The following CHD6 variants were observed in gnomAD, a reference collection of about 807,000 sequenced individuals.
The protein encoded by CHD6 is chromodomain helicase DNA binding protein 6.
Under a neutral mutation model 276.9 loss-of-function variants are expected in CHD6, and 50 were observed. That is an observed-to-expected ratio of 0.18 (90% CI 0.14 to 0.23). The LOEUF is 0.23. CHD6 is among the 10% of genes least tolerant of loss of function. The probability of loss-of-function intolerance (pLI) is 1.00; values close to 1 mark genes in which losing one functional copy is unlikely to be tolerated. For synonymous variants in CHD6, 1,173 were observed against 1,229.3 expected (o/e 0.95, Z 0.96); for missense variants, 2,564 against 3,365.8 (o/e 0.76, Z 5.89).
At chr20:41,561,314 TTG>T (rs763673860) in intron 1 of CHD6, among the ~76,000 whole-genome samples, 12 of 152,218 alleles carry the variant, frequency 7.9e-5, no homozygotes, top group Admixed American at 3.9e-4. Context: ...TGCTGAAACT[TTG>T]TGTCATTTTT....
chr20:41,491,661 C>A lies in CHD6; in HGVS notation c.1436+37G>T, dbSNP rs145263678. The stretch of plus-strand genomic sequence containing the variant: ...TCCAGGCTAAGGCAATAATATACCT[C>A]TGGGTACAAACATCTGGGCTGGTTT... On this transcript the variant is annotated intron_variant, in intron 11 of 36. Coordinates refer to ENST00000373233, the MANE Select transcript of CHD6 (RefSeq NM_032221.5). 3.8e-4 allele frequency: 608 copies of A among 1,612,966 alleles called. 3 individuals are homozygous for A. In the African/African-American group the frequency reaches 7.0e-3, roughly 18 times the overall value.
chr20:41,408,587 C>T (rs1444476166), intron 36 of CHD6, among the ~76,000 whole-genome samples: 1 of 152,182 alleles, frequency 6.6e-6, no homozygotes, highest in Non-Finnish European at 1.5e-5. Flanking sequence ...TGGCATGGCA[C>T]CACAGCCCAG....
intron 5 of CHD6, among the ~76,000 whole-genome samples, chr20:41,511,284 A>C (rs1202517109): frequency 6.6e-6 from 1 of 152,240 alleles, no homozygotes; most frequent in African/African-American, 2.4e-5. Flanking sequence ...CTGCCAAGTC[A>C]GCAACAGTGA....
chr20:41,432,953 G>T (rs180986460), intron 27 of CHD6, among the ~76,000 whole-genome samples: 18 of 151,794 alleles, frequency 1.2e-4, no homozygotes, highest in African/African-American at 4.3e-4. Context: ...CAATAAACTG[G>T]AACAAAAACC....
intron 13 of CHD6, 78 bp downstream of exon 13, chr20:41,488,350 T>A (rs1390695534): frequency 1.5e-6 from 2 of 1,292,740 alleles, no homozygotes; most frequent in African/African-American, 3.0e-5. Flanking sequence ...ATAAGTTACA[T>A]GCAGAATGGC....
At chr20:41,412,950 G>A (rs926639999) in intron 35 of CHD6, among the ~76,000 whole-genome samples, 3 of 152,178 alleles carry the variant, frequency 2.0e-5, no homozygotes, top group African/African-American at 4.8e-5. Flanking sequence ...CAAATGGAAC[G>A]TATTAACTTG....
At chr20:41,406,382 G>C (rs2046674977) in intron 36 of CHD6, among the ~76,000 whole-genome samples, 1 of 152,248 alleles carries the variant, frequency 6.6e-6, no homozygotes, top group South Asian at 2.1e-4. Context: ...CTCAACACGG[G>C]TGATCTGGCA....
intron 26 of CHD6, among the ~76,000 whole-genome samples, chr20:41,439,760 G>C (rs1369435639): frequency 6.6e-6 from 1 of 152,190 alleles, no homozygotes; most frequent in Non-Finnish European, 1.5e-5. Flanking sequence ...GGGCAGCCTG[G>C]GAAACTCATG....
rs765218558 is a variant in CHD6 at position 41,421,199 on chromosome 20, G to C, written c.5436C>G (p.Ser1812=). The C allele has an allele frequency of 5.0e-6, 8 of 1,613,488 alleles. No individual in the cohort carries two copies. Among genetic ancestry groups the C allele is most frequent in the Non-Finnish European group, 6.8e-6 (8 of 1,179,730 alleles). ...IGQLEAKCLA[S]PSLNPGNESG... ...TTTCATTTCCTGGATTCAAGGAAGG[G>C]GAAGCTAAACACTTGGCTTCCAGCT... Residue 1812 remains serine (S), a synonymous_variant, in exon 31 of 37, where the codon TCC becomes TCG. Coordinates refer to ENST00000373233, the MANE Select transcript of CHD6 (RefSeq NM_032221.5).
intron 25 of CHD6, among the ~76,000 whole-genome samples, chr20:41,442,011 AG>A (rs2047917462): frequency 6.6e-6 from 1 of 152,250 alleles, no homozygotes; most frequent in South Asian, 2.1e-4. Context: ...GGTTTGCCAC[AG>A]AAATCTTTTT....
At chr20:41,518,898 C>G (rs971704380) in intron 3 of CHD6, among the ~76,000 whole-genome samples, 6 of 152,176 alleles carry the variant, frequency 3.9e-5, no homozygotes, top group African/African-American at 1.4e-4. Context: ...GTTTTATCAA[C>G]TGAAGACATT....
At chr20:41,442,257 G>A (rs1242430847) in intron 25 of CHD6, among the ~76,000 whole-genome samples, 1 of 151,578 alleles carries the variant, frequency 6.6e-6, no homozygotes, top group East Asian at 1.9e-4. Flanking sequence ...CCTGGTCTGG[G>A]CAACATATGA....
Position 41,457,306 on chromosome 20 carries a change from C to T in CHD6, c.2787G>A (p.Lys929=). 1 of 1,614,162 alleles carries T rather than the reference C, an allele frequency of 6.2e-7. No homozygotes were observed. Among genetic ancestry groups the T allele is most frequent in the South Asian group, 1.1e-5 (1 of 91,080 alleles). The change falls in exon 18 of 37, where the codon AAG becomes AAA. Residue 929 remains lysine (K), a synonymous_variant. Transcript: ENST00000373233. ...DKASLKLGLD[K]AVLQDINRKG... is the part of the protein sequence containing the mutation. ...TTCGGTTGATGTCCTGAAGAACAGC[C>T]TTGTCCAGCCCCAGCTTTAGGCTGG...
intron 33 of CHD6, 85 bp from the exon 34 acceptor site, chr20:41,415,723 G>A: frequency 9.9e-7 from 1 of 1,014,618 alleles, no homozygotes; most frequent in Non-Finnish European, 1.4e-6. Flanking sequence ...GATTTCCCTA[G>A]GCCTCATATT....
rs939058415 is a variant in CHD6 at position 41,473,549 on chromosome 20, C to T, written c.2469-32G>A. The T allele has an allele frequency of 2.0e-5, 31 of 1,588,316 alleles. No homozygotes were observed. Among genetic ancestry groups the T allele is most frequent in the Admixed American group, 8.4e-5 (5 of 59,640 alleles). On this transcript the variant is annotated intron_variant, in intron 16 of 36. Coordinates refer to ENST00000373233, the MANE Select transcript of CHD6 (RefSeq NM_032221.5). The surrounding 1 kb of genome is among the most constrained non-coding windows in gnomAD (Gnocchi z 4.1). ...GGACCCAAATGAACGAAAGCCCAGG[C>T]GTTAATCATGACTTCAATGGAGAAC...
chr20:41,452,633 A>G lies in CHD6; in HGVS notation c.3323+107T>C, dbSNP rs761225103. 22 of 999,986 alleles carry G rather than the reference A, an allele frequency of 2.2e-5. No individual in the cohort carries two copies. The highest frequency in any genetic ancestry group is 2.4e-5 in the East Asian group (1 of 41,420). The allele number at this position is 999,986 out of a possible 1,614,324, so 61.9% of individuals were successfully genotyped here. On this transcript the variant is annotated intron_variant, in intron 21 of 36. Transcript: ENST00000373233. This position sits in a 1 kb window ranked among gnomAD's most constrained non-coding sequence, Gnocchi z 4.2. ...GCTCCAACAGATCCCCCTTTGCCCT[A>G]TAATTCCAAAGGTGACTGGAGAGAC...
Position 41,499,284 on chromosome 20 carries a change from G to T in CHD6, c.915+11C>A. ...CTAATGATATAAAAGCTAGAAACAT[G>T]AGCCACCAACCTCCTGGACAGTCTT... On this transcript the variant is annotated intron_variant, in intron 6 of 36. Coordinates refer to ENST00000373233, the MANE Select transcript of CHD6 (RefSeq NM_032221.5). 1 of 1,595,182 alleles carries T rather than the reference G, an allele frequency of 6.3e-7. No individual in the cohort carries two copies. Among genetic ancestry groups the T allele is most frequent in the East Asian group, 2.3e-5 (1 of 44,436 alleles).
At chr20:41,522,551 A>T (rs898235047) in intron 3 of CHD6, among the ~76,000 whole-genome samples, 2 of 152,160 alleles carry the variant, frequency 1.3e-5, no homozygotes, top group African/African-American at 4.8e-5. Flanking sequence ...ATGGTTACAG[A>T]AGAATAAGAA....
chr20:41,417,779 G>C (rs2047050278), intron 31 of CHD6, among the ~76,000 whole-genome samples: 1 of 152,114 alleles, frequency 6.6e-6, no homozygotes, highest in Non-Finnish European at 1.5e-5. Flanking sequence ...ATATGAGAAA[G>C]GATGAAAGTC....
Sources: gnomAD v4.1 joint callset for allele counts (sites outside exome capture counted in the v4.1 genomes callset) on GRCh38, gnomAD v4.1.1 for gene constraint, Gnocchi (gnomAD v3.1) non-coding constraint, MANE v1.5 for transcripts, NCBI Gene and HGNC (gene_info 2026-07-23, HGNC 2026-07-21) for gene names.